The following C4orf36 variants were observed in gnomAD, a reference collection of about 807,000 sequenced individuals.
The protein encoded by C4orf36 is uncharacterized protein C4orf36.
C4orf36 carries 11 observed loss-of-function variants against 12.2 expected under a neutral mutation model. The observed-to-expected ratio is 0.90, with a 90% CI of 0.57 to 1.49. The LOEUF (loss-of-function observed/expected upper bound fraction) is 1.49, where lower values mean the gene tolerates loss of function less well. Ranked by LOEUF, C4orf36 falls within the 40% of genes most tolerant of loss-of-function variation. The pLI is 0.00. For synonymous variants in C4orf36, 54 were observed against 51.3 expected (o/e 1.05, Z -0.22); for missense variants, 137 against 133.9 (o/e 1.02, Z -0.11).
chr4:86,910,399 A>G, the C4orf36 span, among the ~76,000 whole-genome samples: 1 of 152,176 alleles, frequency 6.6e-6, no homozygotes, highest in Non-Finnish European at 1.5e-5. Context: ...GCAACAGCGC[A>G]AGACTCTGTC....
Position 86,876,348 on chromosome 4 carries a change from G to GCGACGGC in C4orf36, c.*91_*97dup. The stretch of plus-strand genomic sequence containing the variant: ...GCCGGGCCAGGATGGCTGCAGCGCA[G>GCGACGGC]CGACGGCCGGGGCCGGGAGCGGGTC... On this transcript the variant is annotated 3_prime_UTR_variant, in exon 5 of 5. Transcript: ENST00000295898. 1 of 1,554,730 alleles carries GCGACGGC rather than the reference G, an allele frequency of 6.4e-7. No individual in the cohort carries two copies. The highest frequency in any genetic ancestry group is 8.7e-7 in the Non-Finnish European group (1 of 1,152,740).
chr4:86,921,377 C>A, the C4orf36 span, among the ~76,000 whole-genome samples: 1 of 152,152 alleles, frequency 6.6e-6, no homozygotes, highest in African/African-American at 2.4e-5. Flanking sequence ...AAAGGGAATA[C>A]AGAGTAGGTA....
the C4orf36 span, among the ~76,000 whole-genome samples, chr4:86,900,161 G>A: frequency 6.7e-6 from 1 of 148,906 alleles, no homozygotes; most frequent in Non-Finnish European, 1.5e-5. Flanking sequence ...TCAGCCTCCC[G>A]TGTAGCTGGG....
chr4:86,921,876 A>C, the C4orf36 span, among the ~76,000 whole-genome samples: 21 of 152,164 alleles, frequency 1.4e-4, no homozygotes, highest in African/African-American at 4.3e-4. Flanking sequence ...CCACTGTTCT[A>C]CTTTCTGTCT....
the C4orf36 span, among the ~76,000 whole-genome samples, chr4:86,906,552 A>G: frequency 6.6e-6 from 1 of 151,260 alleles, no homozygotes; most frequent in South Asian, 2.1e-4. Flanking sequence ...ACATGGCAAA[A>G]CCTAATCTCT....
the C4orf36 span, among the ~76,000 whole-genome samples, chr4:86,902,892 C>T: frequency 1.3e-5 from 2 of 151,996 alleles, no homozygotes; most frequent in Admixed American, 6.6e-5. Flanking sequence ...ACTGAGGACC[C>T]TGTATGCCAA....
intron 2 of C4orf36, among the ~76,000 whole-genome samples, chr4:86,891,032 C>A (rs540307433): frequency 1.3e-5 from 2 of 152,264 alleles, no homozygotes; most frequent in East Asian, 3.9e-4. Flanking sequence ...TTTGTACCAG[C>A]TAATTAGGTG....
chr4:86,892,157 G>A (rs147798668), intron 1 of C4orf36, 26 bp downstream of exon 1: 1 of 985,566 alleles, frequency 1.0e-6, no homozygotes, highest in African/African-American at 1.7e-5. Context: ...GAAGGGAACG[G>A]CCTCAGCCTC....
the C4orf36 span, among the ~76,000 whole-genome samples, chr4:86,919,315 C>T: frequency 4.9e-5 from 4 of 81,354 alleles, no homozygotes; most frequent in Non-Finnish European, 8.4e-5. Flanking sequence ...TTTTTTCCCC[C>T]TTTTTTTTTT....
At chr4:86,922,024 G>A in the C4orf36 span, among the ~76,000 whole-genome samples, 2 of 152,160 alleles carry the variant, frequency 1.3e-5, no homozygotes, top group African/African-American at 2.4e-5. Context: ...GAATATGTGT[G>A]ATAGGTTTTA....
At chr4:86,906,605 G>A in the C4orf36 span, among the ~76,000 whole-genome samples, 2 of 151,128 alleles carry the variant, frequency 1.3e-5, no homozygotes, top group African/African-American at 2.4e-5. Flanking sequence ...GTGCATGTCT[G>A]TAATCCCAGC....
the C4orf36 span, chr4:86,936,041 C>G: frequency 6.6e-6 from 1 of 152,110 alleles, no homozygotes; most frequent in Non-Finnish European, 1.5e-5. Context: ...GCGGGCGGTT[C>G]GATACCGTCC....
Position 86,891,464 on chromosome 4 carries a change from ACAACTGCCCCG to A in C4orf36, c.46_56del (p.Arg16LeufsTer2). ...AAAAAAATAGTACTTACACATTATAACAACTGCCCCGCAAAATGGTTTTCACTGTGTTCTTT... is the reference window on the plus strand; with the variant it reads ...AAAAAAATAGTACTTACACATTATAACAAAATGGTTTTCACTGTGTTCTTT... On this transcript the variant is annotated frameshift_variant, in exon 2 of 5. Coordinates refer to ENST00000295898, the MANE Select transcript of C4orf36 (RefSeq NM_144645.4). LOFTEE classifies it high-confidence loss of function. 5 of 1,613,818 alleles carry A rather than the reference ACAACTGCCCCG, an allele frequency of 3.1e-6. No homozygotes were observed. In the South Asian group the frequency reaches 5.5e-5, roughly 18 times the overall value.
chr4:86,892,884 G>C (rs553515428), upstream of C4orf36, among the ~76,000 whole-genome samples: 1 of 152,310 alleles, frequency 6.6e-6, no homozygotes, highest in South Asian at 2.1e-4. Context: ...GAATACATCA[G>C]ATGGCCACCC....
chr4:86,900,132 T>C, the C4orf36 span, among the ~76,000 whole-genome samples: 1 of 151,320 alleles, frequency 6.6e-6, no homozygotes, highest in Admixed American at 6.6e-5. Context: ...GCCTCCTGGG[T>C]TCAAGCAACT....
the C4orf36 span, chr4:86,935,043 C>T: frequency 6.6e-6 from 1 of 151,868 alleles, no homozygotes; most frequent in Non-Finnish European, 1.5e-5. Flanking sequence ...GCGCGCGGCC[C>T]CTGCGCACTC....
At chr4:86,884,503 C>T (rs1747125514) in intron 4 of C4orf36, among the ~76,000 whole-genome samples, 1 of 151,864 alleles carries the variant, frequency 6.6e-6, no homozygotes, top group Non-Finnish European at 1.5e-5. Flanking sequence ...CCGGGTCTCC[C>T]TATATTGCCC....
Position 86,888,125 on chromosome 4 carries a change from TG to T in C4orf36, c.215del (p.Ala72GlufsTer12). 7 of 1,611,384 alleles carry T rather than the reference TG, an allele frequency of 4.3e-6. No homozygotes were observed. Among genetic ancestry groups the T allele is most frequent in the Non-Finnish European group, 5.9e-6 (7 of 1,178,920 alleles). On this transcript the variant is annotated frameshift_variant, in exon 3 of 5. Transcript: ENST00000295898. LOFTEE classifies it high-confidence loss of function. ...AGCAGAACTTAAGGAACTTACATTC[TG>T]CAGAAGGGAGCAGTCCATCTTTAAT... is the stretch of plus-strand genomic sequence containing the variant. Reference protein sequence around the residue: ...TTIKDGLLPSAESIKLEREYE... With the variant: ...TTIKDGLLPSXESIKLEREYE...
the C4orf36 span, among the ~76,000 whole-genome samples, chr4:86,932,954 G>A: frequency 1.3e-5 from 2 of 152,098 alleles, no homozygotes; most frequent in Non-Finnish European, 2.9e-5. Flanking sequence ...GGAGGAAAGT[G>A]TAGCTAACAA....
Sources: gnomAD v4.1 joint callset for allele counts (sites outside exome capture counted in the v4.1 genomes callset) on GRCh38, gnomAD v4.1.1 for gene constraint, MANE v1.5 for transcripts, NCBI Gene and HGNC (gene_info 2026-07-23, HGNC 2026-07-21) for gene names.